Variants in PRR16 observed in about 807,000 individuals in gnomAD.
PRR16 encodes the protein protein Largen.
PRR16 carries 6 observed loss-of-function variants against 18.2 expected under a neutral mutation model. The observed-to-expected ratio is 0.33, with a 90% CI of 0.18 to 0.65. PRR16 has a LOEUF of 0.65. Among genes scored for constraint, PRR16 ranks in the 30% least tolerant of loss-of-function variants. The pLI, the probability that PRR16 is intolerant of heterozygous loss-of-function variation, is 0.74. For missense variants in PRR16, 412 were observed against 376.6 expected, an observed-to-expected ratio of 1.09 and a Z score of -0.78; for synonymous variants, 151 against 147.8, an observed-to-expected ratio of 1.02 and a Z score of -0.16.
intron 1 of PRR16, among the ~76,000 whole-genome samples, chr5:120,624,177 G>A (rs1387388273): frequency 1.3e-5 from 2 of 152,064 alleles, no homozygotes; most frequent in Non-Finnish European, 2.9e-5. Flanking sequence ...TCAGGTTAGG[G>A]ATCCTTTCTG....
At chr5:120,564,327 A>G (rs1188337286) in intron 1 of PRR16, among the ~76,000 whole-genome samples, 1 of 152,090 alleles carries the variant, frequency 6.6e-6, no homozygotes, top group East Asian at 1.9e-4. Context: ...GACTTTGCCT[A>G]AGAAATCCAG....
the PRR16 span, among the ~76,000 whole-genome samples, chr5:120,745,644 CTTTGT>C: frequency 0.15 from 22,289 of 151,088 alleles, 2,490 homozygotes; most frequent in African/African-American, 0.31. Context: ...GTGTTTGTTG[CTTTGT>C]TTTGTTTTGT....
At chr5:120,770,109 T>A in the PRR16 span, among the ~76,000 whole-genome samples, 1 of 151,948 alleles carries the variant, frequency 6.6e-6, no homozygotes, top group Admixed American at 6.6e-5. Context: ...AAAATTCATG[T>A]GAAACCAGAA....
At chr5:120,497,999 T>C (rs373266040) in intron 1 of PRR16, among the ~76,000 whole-genome samples, 1 of 151,504 alleles carries the variant, frequency 6.6e-6, no homozygotes, top group South Asian at 2.1e-4. Context: ...TTTTAATTGA[T>C]GTATTTAGGC....
the PRR16 span, among the ~76,000 whole-genome samples, chr5:120,742,854 C>T: frequency 6.6e-6 from 1 of 152,154 alleles, no homozygotes; most frequent in Admixed American, 6.5e-5. Context: ...ATTTTCTTGC[C>T]CTTTTCAACT....
chr5:120,480,039 G>A (rs375777684), intron 1 of PRR16, among the ~76,000 whole-genome samples: 28 of 151,946 alleles, frequency 1.8e-4, no homozygotes, highest in African/African-American at 5.8e-4. Context: ...ACATTTTTTC[G>A]GGAGATTTAT....
chr5:120,643,722 A>T (rs1755498737), intron 1 of PRR16, among the ~76,000 whole-genome samples: 1 of 152,062 alleles, frequency 6.6e-6, no homozygotes, highest in African/African-American at 2.4e-5. Flanking sequence ...AATGCTCTTT[A>T]GGCTGGGCAT....
intron 1 of PRR16, among the ~76,000 whole-genome samples, chr5:120,561,798 A>C (rs192614227): frequency 1.1e-3 from 160 of 152,098 alleles, no homozygotes; most frequent in Non-Finnish European, 1.6e-3. Context: ...TGATAAGGAG[A>C]AACCTGTTTC....
the PRR16 span, among the ~76,000 whole-genome samples, chr5:120,784,911 G>C: frequency 6.6e-6 from 1 of 152,156 alleles, no homozygotes; most frequent in African/African-American, 2.4e-5. Context: ...TGGTTCTCAG[G>C]TGTTAGGTGT....
chr5:120,583,091 G>C (rs1215940509), intron 1 of PRR16, among the ~76,000 whole-genome samples: 3 of 152,202 alleles, frequency 2.0e-5, no homozygotes, highest in Non-Finnish European at 4.4e-5. Context: ...TTACAATATG[G>C]TGGCTGTGTT....
At chr5:120,514,326 T>C (rs1750920989) in intron 1 of PRR16, among the ~76,000 whole-genome samples, 1 of 152,170 alleles carries the variant, frequency 6.6e-6, no homozygotes, top group African/African-American at 2.4e-5. Flanking sequence ...GAACGTGGCT[T>C]CCTACCATCC....
At chr5:120,689,354 A>C (rs1381118871), downstream of PRR16, among the ~76,000 whole-genome samples, 2 of 152,174 alleles carry the variant, frequency 1.3e-5, no homozygotes, top group Non-Finnish European at 2.9e-5. Context: ...TTTGTCTGCA[A>C]ACTTGTAATT....
chr5:120,707,135 A>G, the PRR16 span, among the ~76,000 whole-genome samples: 1 of 152,192 alleles, frequency 6.6e-6, no homozygotes, highest in Non-Finnish European at 1.5e-5. Flanking sequence ...AAGAAAAGTG[A>G]TGTCAGAGGC....
intron 1 of PRR16, among the ~76,000 whole-genome samples, chr5:120,667,128 A>T (rs557787570): frequency 6.6e-6 from 1 of 152,266 alleles, no homozygotes; most frequent in East Asian, 1.9e-4. Flanking sequence ...TTATTGCCAC[A>T]ATTTCCGATC....
At chr5:120,489,251 G>A (rs573369058) in intron 1 of PRR16, among the ~76,000 whole-genome samples, 5 of 152,228 alleles carry the variant, frequency 3.3e-5, no homozygotes, top group South Asian at 2.1e-4. Context: ...TGACAGTGGG[G>A]TGTTAAAGTC....
chr5:120,751,712 A>AT, the PRR16 span, among the ~76,000 whole-genome samples: 2 of 151,680 alleles, frequency 1.3e-5, no homozygotes, highest in African/African-American at 2.4e-5. Context: ...TTATGACAAC[A>AT]TTTTTTGAAA....
At chr5:120,770,391 C>T in the PRR16 span, among the ~76,000 whole-genome samples, 1 of 151,898 alleles carries the variant, frequency 6.6e-6, no homozygotes, top group Non-Finnish European at 1.5e-5. Context: ...GGCAACTGGA[C>T]CCTTGCCTTA....
At chr5:120,757,363 G>A in the PRR16 span, among the ~76,000 whole-genome samples, 8 of 151,992 alleles carry the variant, frequency 5.3e-5, no homozygotes, top group Non-Finnish European at 1.2e-4. Flanking sequence ...AATAACATTG[G>A]TAGTTTGACA....
At chr5:120,472,165 A>G (rs1010823431) in intron 1 of PRR16, among the ~76,000 whole-genome samples, 4 of 152,180 alleles carry the variant, frequency 2.6e-5, no homozygotes, top group Non-Finnish European at 5.9e-5. Context: ...CACAGTTATC[A>G]TGATGTTTGG....
Sources: allele counts gnomAD v4.1 joint callset (sites outside exome capture counted in the v4.1 genomes callset), GRCh38; gene constraint gnomAD v4.1.1; transcripts MANE v1.5; gene names NCBI Gene and HGNC (gene_info 2026-07-23, HGNC 2026-07-21).